PRKCZ: variants seen among roughly 807,000 people sequenced by gnomAD.
The protein encoded by PRKCZ is protein kinase C zeta type.
A neutral mutation model predicts 79.5 loss-of-function variants in PRKCZ; 33 were observed. That is an observed-to-expected ratio of 0.41 (90% confidence interval 0.31 to 0.55). The LOEUF is 0.55. Among genes scored for constraint, PRKCZ ranks in the 20% least tolerant of loss-of-function variants. The pLI, the probability that PRKCZ is intolerant of heterozygous loss-of-function variation, is 0.19. For missense variants in PRKCZ, 578 were observed against 813.5 expected (o/e 0.71, Z 3.52); for synonymous variants, 342 against 320.9 (o/e 1.07, Z -0.70).
At chr1:2,169,126 C>T (rs1350135762) in intron 10 of PRKCZ, 4 of 457,718 alleles carry the variant, frequency 8.7e-6, no homozygotes, top group Non-Finnish European at 1.8e-5. Context: ...CGGTGCTGTC[C>T]CCATGCAAGA....
chr1:2,138,277 T>C (rs1441818377), intron 5 of PRKCZ, among the ~76,000 whole-genome samples: 12 of 152,220 alleles, frequency 7.9e-5, no homozygotes, highest in Non-Finnish European at 1.3e-4. Context: ...CGCTGGGGAC[T>C]GGGCTCCCCG....
chr1:2,090,517 T>A (rs887003377), intron 4 of PRKCZ, among the ~76,000 whole-genome samples: 1 of 152,178 alleles, frequency 6.6e-6, no homozygotes, highest in Non-Finnish European at 1.5e-5. Flanking sequence ...AGCTGCTCCT[T>A]CCAGGAGCTT....
chr1:2,092,213 CCT>C (rs527807726), intron 4 of PRKCZ, among the ~76,000 whole-genome samples: 1,584 of 152,330 alleles, frequency 0.01, 25 homozygotes, highest in African/African-American at 0.035. Flanking sequence ...CCGCCCTCCC[CCT>C]GTTTTCCTAC....
At chr1:2,143,939 T>C (rs1677937312) in intron 5 of PRKCZ, 3 of 398,146 alleles carry the variant, frequency 7.5e-6, no homozygotes, top group South Asian at 6.4e-5. Flanking sequence ...TCGTCACCCC[T>C]GCCCGATGGC....
At chr1:2,134,510 C>T (rs74877653) in intron 4 of PRKCZ, among the ~76,000 whole-genome samples, 35,554 of 151,978 alleles carry the variant, frequency 0.23, 4,742 homozygotes, top group Admixed American at 0.33. Flanking sequence ...TGAGGAAGGA[C>T]AAGACCAGCC....
chr1:2,080,377 G>A (rs930200897), intron 4 of PRKCZ, among the ~76,000 whole-genome samples: 3 of 152,198 alleles, frequency 2.0e-5, no homozygotes, highest in African/African-American at 4.8e-5. Context: ...GGACCAGCAC[G>A]TCCCACTGCT....
chr1:2,141,209 G>C (rs1338070546), intron 5 of PRKCZ: 1 of 152,094 alleles, frequency 6.6e-6, no homozygotes, highest in African/African-American at 2.4e-5. Flanking sequence ...AGGTCTCTGT[G>C]GTGGGTGCCA....
intron 5 of PRKCZ, among the ~76,000 whole-genome samples, chr1:2,135,713 G>T (rs1557652851): frequency 6.6e-6 from 1 of 152,216 alleles, no homozygotes; most frequent in Non-Finnish European, 1.5e-5. Context: ...GTTTTCAGCC[G>T]CACACAGTGT....
At chr1:2,147,828 C>T (rs1295271496) in intron 7 of PRKCZ, among the ~76,000 whole-genome samples, 1 of 151,554 alleles carries the variant, frequency 6.6e-6, no homozygotes, top group Non-Finnish European at 1.5e-5. Flanking sequence ...TGTCCACTGA[C>T]GTCTCCATCT....
intron 4 of PRKCZ, among the ~76,000 whole-genome samples, chr1:2,069,018 C>G (rs1661346405): frequency 6.6e-6 from 1 of 152,196 alleles, no homozygotes; most frequent in African/African-American, 2.4e-5. Flanking sequence ...CAGTCACCAC[C>G]CTGCCGGCTG....
upstream of PRKCZ, among the ~76,000 whole-genome samples, chr1:2,048,757 G>C (rs1197945014): frequency 2.0e-5 from 3 of 152,206 alleles, no homozygotes; most frequent in Admixed American, 6.5e-5. Context: ...GGGCTCCACA[G>C]TTTTAAAAGC....
intron 4 of PRKCZ, among the ~76,000 whole-genome samples, chr1:2,080,839 A>G (rs897096460): frequency 7.9e-5 from 12 of 152,098 alleles, no homozygotes; most frequent in East Asian, 1.9e-4. Flanking sequence ...CTCATTTTCA[A>G]CGACCTTCGT....
chr1:2,088,504 C>T (rs908738), intron 4 of PRKCZ, among the ~76,000 whole-genome samples: 6,227 of 152,286 alleles, frequency 0.041, 413 homozygotes, highest in African/African-American at 0.14. Flanking sequence ...TGAGTGAAGA[C>T]GGCTGTGGCG....
rs28719902 is a variant in PRKCZ at position 2,128,619 on chromosome 1, C to T, written c.335-6643C>T. 0.18 allele frequency among the ~76,000 whole-genome samples: 28,008 copies of T among 152,052 alleles called. 2,839 individuals carry two copies. Among genetic ancestry groups the T allele is most frequent in the Middle Eastern group, 0.28 (83 of 292 alleles). ...GGAGGAGCGGCCCCTGTGATCCCCACAATTTTGTTCCCTGCTTGCTTCAGC... is the reference window on the plus strand; with the variant it reads ...GGAGGAGCGGCCCCTGTGATCCCCATAATTTTGTTCCCTGCTTGCTTCAGC... On this transcript the variant is annotated intron_variant, in intron 4 of 17. Coordinates refer to ENST00000378567, the MANE Select transcript of PRKCZ (RefSeq NM_002744.6). The surrounding 1 kb of genome is among the most constrained non-coding windows in gnomAD (Gnocchi z 6.5).
rs867804291 is a variant in PRKCZ at position 2,175,526 on chromosome 1, C to G, written c.1575+213C>G. 6.4e-4 allele frequency among the ~76,000 whole-genome samples: 95 copies of G among 148,112 alleles called. 1 individual carries two copies. Among genetic ancestry groups the G allele is most frequent in the African/African-American group, 2.3e-3 (92 of 39,932 alleles). ...TCCCACCCCAACCCCCAACTCAACC[C>G]CCACCCCAATATCCACCCAACCCCA... is the stretch of plus-strand genomic sequence containing the variant. On this transcript the variant is annotated intron_variant, in intron 16 of 17. Coordinates refer to ENST00000378567, the MANE Select transcript of PRKCZ (RefSeq NM_002744.6).
intron 4 of PRKCZ, among the ~76,000 whole-genome samples, chr1:2,070,704 G>T (rs762775589): frequency 6.6e-6 from 1 of 151,634 alleles, no homozygotes; most frequent in African/African-American, 2.4e-5. Flanking sequence ...GCCGTGGAGG[G>T]GCCCTTCCTG....
chr1:2,144,664 T>C (rs1483894174), intron 6 of PRKCZ: 2 of 1,113,998 alleles, frequency 1.8e-6, no homozygotes, highest in South Asian at 4.8e-5. Flanking sequence ...TCTTAAGGAC[T>C]GTGGAGGTGA....
At chr1:2,080,385 G>T (rs909883240) in intron 4 of PRKCZ, among the ~76,000 whole-genome samples, 4 of 132,294 alleles carry the variant, frequency 3.0e-5, no homozygotes, top group Non-Finnish European at 4.4e-5. Flanking sequence ...ACGTCCCACT[G>T]CTCTGCATCC....
intron 9 of PRKCZ, among the ~76,000 whole-genome samples, chr1:2,155,587 ACGG>A (rs1680844623): frequency 1.4e-5 from 2 of 140,056 alleles, no homozygotes; most frequent in Admixed American, 7.5e-5. Context: ...GATGGTGATG[ACGG>A]TGGTGGTGAT....
Sources: gnomAD v4.1 joint callset for allele counts (sites outside exome capture counted in the v4.1 genomes callset) on GRCh38, gnomAD v4.1.1 for gene constraint, Gnocchi (gnomAD v3.1) non-coding constraint, MANE v1.5 for transcripts, NCBI Gene and HGNC (gene_info 2026-07-23, HGNC 2026-07-21) for gene names.